The following MON2 variants were observed in gnomAD, a reference collection of about 807,000 sequenced individuals.
The protein encoded by MON2 is MON2 regulator of endosome-to-Golgi trafficking.
MON2 carries 84 observed loss-of-function variants against 208.6 expected under a neutral mutation model. That is an observed-to-expected ratio of 0.40 (90% CI 0.34 to 0.48). The LOEUF (loss-of-function observed/expected upper bound fraction) is 0.48, where lower values mean the gene tolerates loss of function less well. Ranked by LOEUF, MON2 falls within the 20% of genes least tolerant of loss-of-function variation. The probability of loss-of-function intolerance (pLI) is 0.59; values close to 1 mark genes in which losing one functional copy is unlikely to be tolerated. For missense variants in MON2, 1,611 were observed against 2,015.4 expected, an observed-to-expected ratio of 0.80 and a Z score of 3.84; for synonymous variants, 660 against 694.0, an observed-to-expected ratio of 0.95 and a Z score of 0.77.
At chr12:62,519,248 C>T (rs546743395) in intron 8 of MON2, among the ~76,000 whole-genome samples, 4 of 152,204 alleles carry the variant, frequency 2.6e-5, no homozygotes, top group East Asian at 1.9e-4. Flanking sequence ...AGCACACCAC[C>T]GTTCCAATCA....
At chr12:62,558,330 A>G (rs971070863) in intron 25 of MON2, among the ~76,000 whole-genome samples, 31 of 152,106 alleles carry the variant, frequency 2.0e-4, no homozygotes, top group Non-Finnish European at 3.7e-4. Context: ...GTCTTTGATA[A>G]TTTTTTATAA....
intron 7 of MON2, among the ~76,000 whole-genome samples, chr12:62,502,367 T>C (rs1256728106): frequency 6.7e-6 from 1 of 150,056 alleles, no homozygotes; most frequent in African/African-American, 2.5e-5. Context: ...AGCCACTACA[T>C]TCCAGCCTGG....
At chr12:62,477,662 C>T (rs139316550) in intron 1 of MON2, among the ~76,000 whole-genome samples, 6 of 150,974 alleles carry the variant, frequency 4.0e-5, no homozygotes, top group African/African-American at 9.8e-5. Context: ...GCGATCCTCT[C>T]GCCTTGACCT....
intron 1 of MON2, among the ~76,000 whole-genome samples, chr12:62,480,102 A>G (rs1012538284): frequency 2.6e-5 from 4 of 152,232 alleles, no homozygotes; most frequent in African/African-American, 9.7e-5. Flanking sequence ...AGATGATACA[A>G]TTCCAGAGTA....
Position 62,537,144 on chromosome 12 carries a change from G to A in MON2, c.1901-7G>A. On this transcript the variant is annotated splice_region_variant and splice_polypyrimidine_tract_variant and intron_variant, in intron 14 of 34. Transcript: ENST00000393630. ...TTTAATTATTTAGGCTTTCCTTTGT[G>A]TTCTAGCATATTCCGTTCAGGGCCA... is the stretch of plus-strand genomic sequence containing the variant. 6.5e-7 allele frequency: 1 copy of A among 1,532,852 alleles called. No individual in the cohort carries two copies. Among genetic ancestry groups the A allele is most frequent in the Non-Finnish European group, 9.0e-7 (1 of 1,116,994 alleles). The allele number at this position is 1,532,852 out of a possible 1,614,324, so 95.0% of individuals were successfully genotyped here.
Position 62,547,007 on chromosome 12 carries a change from A to G in MON2, c.2688A>G (p.Gly896=), listed in dbSNP as rs751500812. The change falls in exon 22 of 35, where the codon GGA becomes GGG. Residue 896 remains glycine, a synonymous_variant. Coordinates refer to ENST00000393630, the MANE Select transcript of MON2 (RefSeq NM_015026.3). The stretch of plus-strand genomic sequence containing the variant: ...TGTTGCAGATTCTGCAGAGTCAGGG[A>G]GACAGTCTTGGGCCTGGATGGCCAT... ...ECVLQILQSQ[G]DSLGPGWPLV... is the part of the protein sequence containing the mutation. 2 of 1,612,630 alleles carry G rather than the reference A, an allele frequency of 1.2e-6. No homozygotes were observed. Among genetic ancestry groups the G allele is most frequent in the Admixed American group, 3.3e-5 (2 of 59,930 alleles).
intron 11 of MON2, 126 bp from the exon 12 acceptor site, chr12:62,532,312 A>G (rs1012325320): frequency 4.3e-6 from 3 of 701,100 alleles, no homozygotes; most frequent in African/African-American, 3.6e-5. Flanking sequence ...AAATTTGGTA[A>G]TGTCCCTTTA....
intron 25 of MON2, among the ~76,000 whole-genome samples, chr12:62,558,926 G>GA (rs2074097312): frequency 6.6e-6 from 1 of 152,064 alleles, no homozygotes; most frequent in Non-Finnish European, 1.5e-5. Flanking sequence ...CCGAACTCCT[G>GA]ACCTCTGGTG....
In MON2 at chr12:62,524,649, C is replaced by T; in HGVS notation, c.1109+10C>T. The stretch of plus-strand genomic sequence containing the variant: ...AGCCTCAACTATTAAGGTAAAACCT[C>T]AGCAATAGTTTGTTAAATAGATAGG... On this transcript the variant is annotated intron_variant, in intron 9 of 34. Transcript: ENST00000393630. 1 of 1,610,062 alleles carries T rather than the reference C, an allele frequency of 6.2e-7. No homozygotes were observed. The highest frequency in any genetic ancestry group is 1.1e-5 in the South Asian group (1 of 90,370).
intron 25 of MON2, 44 bp from the exon 26 acceptor site, chr12:62,560,447 G>T: frequency 6.6e-7 from 1 of 1,523,476 alleles, no homozygotes; most frequent in Non-Finnish European, 8.8e-7. Flanking sequence ...GAGAAAATTT[G>T]ATCGCTTTTA....
chr12:62,533,511 C>G (rs977503916), intron 12 of MON2, among the ~76,000 whole-genome samples: 2 of 152,134 alleles, frequency 1.3e-5, no homozygotes, highest in African/African-American at 4.8e-5. Context: ...TCAGATTGTT[C>G]CCAACATGGC....
At chr12:62,485,108 A>G (rs958606325) in intron 2 of MON2, among the ~76,000 whole-genome samples, 5 of 152,112 alleles carry the variant, frequency 3.3e-5, no homozygotes, top group Non-Finnish European at 5.9e-5. Context: ...AGTGTTCAGG[A>G]GCCCATGTTC....
chr12:62,565,480 C>T, intron 27 of MON2, 100 bp downstream of exon 27: 1 of 1,035,058 alleles, frequency 9.7e-7, no homozygotes, highest in Non-Finnish European at 1.4e-6. Flanking sequence ...GAAAAGGATA[C>T]TTTTCACTCA....
intron 11 of MON2, among the ~76,000 whole-genome samples, chr12:62,531,756 A>G: frequency 6.6e-6 from 1 of 151,846 alleles, no homozygotes; most frequent in Non-Finnish European, 1.5e-5. Flanking sequence ...ATTTGATGGC[A>G]TCTTATTTTT....
intron 29 of MON2, 89 bp from the exon 30 acceptor site, chr12:62,571,303 G>T: frequency 1.0e-6 from 1 of 975,600 alleles, no homozygotes. Flanking sequence ...AAATACCTAT[G>T]CTATTTTTTC....
chr12:62,593,335 TTTA>T lies in MON2; in HGVS notation c.*593_*595del, dbSNP rs1179254136. ...ATAATGTTAAATGCTTAAAGCTCTA[TTTA>T]TTATTAATACAAAATTGTTTGCTTA... is the stretch of plus-strand genomic sequence containing the variant. On this transcript the variant is annotated 3_prime_UTR_variant, in exon 35 of 35. Transcript: ENST00000393630. 9 of 152,644 alleles carry T rather than the reference TTTA, an allele frequency of 5.9e-5. No homozygotes were observed. Among genetic ancestry groups the T allele is most frequent in the Admixed American group, 2.0e-4 (3 of 15,308 alleles). The allele number at this position is 152,644 out of a possible 1,614,324, so 9.5% of individuals were successfully genotyped here. A position where few individuals can be genotyped will look rare whatever the true frequency, so the allele number is the denominator to read the frequency against.
chr12:62,556,293 T>C, intron 25 of MON2, 101 bp downstream of exon 25: 1 of 1,066,686 alleles, frequency 9.4e-7, no homozygotes, highest in African/African-American at 1.6e-5. Flanking sequence ...TTAGTCTTTA[T>C]GTGTGGTGTG....
chr12:62,474,544 C>A (rs1462000015), intron 1 of MON2, among the ~76,000 whole-genome samples: 3 of 152,180 alleles, frequency 2.0e-5, no homozygotes, highest in Admixed American at 6.5e-5. Flanking sequence ...CTTGCCTCAG[C>A]TTCCTGAGTA....
intron 32 of MON2, among the ~76,000 whole-genome samples, chr12:62,584,834 C>A (rs2075143322): frequency 6.6e-6 from 1 of 151,268 alleles, no homozygotes; most frequent in Non-Finnish European, 1.5e-5. Flanking sequence ...TAGAGAGCAA[C>A]TGCCGGACTG....
Sources: allele counts gnomAD v4.1 joint callset (sites outside exome capture counted in the v4.1 genomes callset), GRCh38; gene constraint gnomAD v4.1.1; transcripts MANE v1.5; gene names NCBI Gene and HGNC (gene_info 2026-07-23, HGNC 2026-07-21).